Variants in MAGI2 observed in about 807,000 individuals in gnomAD.
MAGI2 encodes the protein membrane-associated guanylate kinase, WW and PDZ domain-containing protein 2.
MAGI2 carries 35 observed loss-of-function variants against 133.3 expected under a neutral mutation model. The ratio of observed to expected loss-of-function variants is 0.26; its 90% confidence interval spans 0.20 to 0.35. The LOEUF is 0.35. Among genes scored for constraint, MAGI2 ranks in the 10% least tolerant of loss-of-function variants. The probability of loss-of-function intolerance (pLI) is 1.00; values close to 1 mark genes in which losing one functional copy is unlikely to be tolerated. For missense variants in MAGI2, 1,636 were observed against 1,863.4 expected, an observed-to-expected ratio of 0.88 and a Z score of 2.25; for synonymous variants, 729 against 710.6, an observed-to-expected ratio of 1.03 and a Z score of -0.41.
intron 9 of MAGI2, among the ~76,000 whole-genome samples, chr7:78,299,740 G>T (rs1436260834): frequency 6.6e-6 from 1 of 152,030 alleles, no homozygotes; most frequent in Non-Finnish European, 1.5e-5. Flanking sequence ...TATTCTTCCT[G>T]ATCCTCTCCC....
At position 78,866,758 on chromosome 7, in the gene MAGI2, C is replaced by T. The variant is rs1179044348; in HGVS notation, c.418+140332G>A. 2.0e-5 allele frequency among the ~76,000 whole-genome samples: 3 copies of T among 152,048 alleles called. 1 individual carries two copies. On this transcript the variant is annotated intron_variant, in intron 2 of 21. Coordinates refer to ENST00000354212, the MANE Select transcript of MAGI2 (RefSeq NM_012301.4). Reference sequence around the variant, plus strand: ...TCCTGCTAAAGATAGTTGAGGAAGACTCCACATACTCAGATGGACAGAAAG... The same window carrying T: ...TCCTGCTAAAGATAGTTGAGGAAGATTCCACATACTCAGATGGACAGAAAG...
At chr7:78,595,511 C>T (rs1804499458) in intron 3 of MAGI2, among the ~76,000 whole-genome samples, 1 of 152,140 alleles carries the variant, frequency 6.6e-6, no homozygotes, top group South Asian at 2.1e-4. Flanking sequence ...TGCTAAAGAA[C>T]AAGTTTCAGA....
intron 6 of MAGI2, among the ~76,000 whole-genome samples, chr7:78,434,611 C>T (rs1315600031): frequency 6.6e-6 from 1 of 152,144 alleles, no homozygotes; most frequent in African/African-American, 2.4e-5. Context: ...TACTTTACTC[C>T]ATCTCCTATA....
intron 1 of MAGI2, among the ~76,000 whole-genome samples, chr7:79,162,978 A>G (rs1003637451): frequency 3.9e-5 from 6 of 152,148 alleles, no homozygotes; most frequent in African/African-American, 1.4e-4. Context: ...TTAACTGACT[A>G]TAAGTCCCTC....
intron 3 of MAGI2, among the ~76,000 whole-genome samples, chr7:78,577,682 C>G (rs1185270734): frequency 6.7e-6 from 1 of 149,950 alleles, no homozygotes. Context: ...TCACAAGGTA[C>G]TCAGTGGGGG....
intron 9 of MAGI2, among the ~76,000 whole-genome samples, chr7:78,338,984 A>AAAACAAAC (rs3061239): frequency 0.42 from 62,961 of 150,018 alleles, 13,432 homozygotes; most frequent in East Asian, 0.65. Context: ...ATCTCTTGAG[A>AAAACAAAC]AAACAAACAA....
intron 1 of MAGI2, among the ~76,000 whole-genome samples, chr7:79,230,220 T>C (rs1341353050): frequency 6.7e-6 from 1 of 149,454 alleles, no homozygotes; most frequent in Non-Finnish European, 1.5e-5. Flanking sequence ...GTTCCAAGTC[T>C]TTGCTATTGT....
intron 1 of MAGI2, among the ~76,000 whole-genome samples, chr7:79,068,244 T>C (rs1337338426): frequency 6.6e-6 from 1 of 152,182 alleles, no homozygotes; most frequent in African/African-American, 2.4e-5. Context: ...TGGACTTCTT[T>C]TTGTTGGTAG....
At chr7:78,688,227 C>G (rs1161276569) in intron 2 of MAGI2, among the ~76,000 whole-genome samples, 3 of 152,076 alleles carry the variant, frequency 2.0e-5, no homozygotes, top group Non-Finnish European at 2.9e-5. Flanking sequence ...ATAAAATGAG[C>G]TATCACCTAT....
At chr7:78,550,776 T>A (rs1422846360) in intron 3 of MAGI2, among the ~76,000 whole-genome samples, 2 of 151,760 alleles carry the variant, frequency 1.3e-5, no homozygotes, top group African/African-American at 4.8e-5. Flanking sequence ...TTTTAACTCA[T>A]GAACATTGTG....
chr7:78,961,926 A>G (rs1240160292), intron 2 of MAGI2, among the ~76,000 whole-genome samples: 2 of 152,190 alleles, frequency 1.3e-5, no homozygotes, highest in Non-Finnish European at 2.9e-5. Context: ...TATATGGTAT[A>G]GCCTATTGCT....
chr7:79,312,719 C>CA (rs1838384173), intron 1 of MAGI2, among the ~76,000 whole-genome samples: 1 of 152,088 alleles, frequency 6.6e-6, no homozygotes, highest in Non-Finnish European at 1.5e-5. Flanking sequence ...AGTGTGCATA[C>CA]AAAAAATAGT....
intron 2 of MAGI2, among the ~76,000 whole-genome samples, chr7:78,766,876 T>A (rs2151310917): frequency 6.6e-6 from 1 of 152,346 alleles, no homozygotes; most frequent in East Asian, 1.9e-4. Context: ...ACCGTCCTAC[T>A]GTTGACTTTG....
At chr7:79,045,300 T>A (rs1296417123) in intron 1 of MAGI2, among the ~76,000 whole-genome samples, 1 of 152,240 alleles carries the variant, frequency 6.6e-6, no homozygotes, top group Non-Finnish European at 1.5e-5. Flanking sequence ...TGTGGTTACA[T>A]GTGTATATAC....
At chr7:78,196,747 C>T (rs972506795) in intron 11 of MAGI2, among the ~76,000 whole-genome samples, 1 of 152,232 alleles carries the variant, frequency 6.6e-6, no homozygotes, top group African/African-American at 2.4e-5. Context: ...AAATGGGTCA[C>T]TGACCCTTCC....
chr7:78,238,994 A>C (rs546017223), intron 10 of MAGI2, among the ~76,000 whole-genome samples: 7 of 152,148 alleles, frequency 4.6e-5, no homozygotes, highest in African/African-American at 1.7e-4. Flanking sequence ...GCTTGTCTGC[A>C]TCAAGCACAG....
At chr7:78,763,305 G>A (rs945370740) in intron 2 of MAGI2, among the ~76,000 whole-genome samples, 4 of 152,148 alleles carry the variant, frequency 2.6e-5, no homozygotes, top group African/African-American at 9.7e-5. Context: ...ACCATACAAA[G>A]GCTTGCATGC....
chr7:78,501,037 G>A (rs921953641), intron 5 of MAGI2, among the ~76,000 whole-genome samples: 3 of 152,206 alleles, frequency 2.0e-5, no homozygotes, highest in Non-Finnish European at 4.4e-5. Context: ...GCTGTGAGCC[G>A]TGATTGTGCC....
intron 1 of MAGI2, among the ~76,000 whole-genome samples, chr7:79,376,218 T>C (rs531032341): frequency 6.6e-6 from 1 of 151,982 alleles, no homozygotes; most frequent in African/African-American, 2.4e-5. Flanking sequence ...TTTTTTCCTA[T>C]ACATACATAC....
Sources: gnomAD v4.1 joint callset for allele counts (sites outside exome capture counted in the v4.1 genomes callset) on GRCh38, gnomAD v4.1.1 for gene constraint, MANE v1.5 for transcripts, NCBI Gene and HGNC (gene_info 2026-07-23, HGNC 2026-07-21) for gene names.